The following ARMH3 variants were observed in gnomAD, a reference collection of about 807,000 sequenced individuals.
ARMH3 encodes armadillo like helical domain containing 3, also known as armadillo-like helical domain-containing protein 3.
A neutral mutation model predicts 99.1 loss-of-function variants in ARMH3; 60 were observed. The observed-to-expected ratio is 0.61, with a 90% confidence interval of 0.49 to 0.75. ARMH3 has a LOEUF of 0.75. Ranked by LOEUF, ARMH3 falls within the 30% of genes least tolerant of loss-of-function variation. ARMH3 has a pLI of 0.00. For synonymous variants in ARMH3, 285 were observed against 292.8 expected (o/e 0.97, Z 0.27); for missense variants, 679 against 843.1 (o/e 0.81, Z 2.41).
intron 14 of ARMH3, among the ~76,000 whole-genome samples, chr10:102,005,957 T>G (rs181047221): frequency 6.6e-6 from 1 of 152,260 alleles, no homozygotes; most frequent in Non-Finnish European, 1.5e-5. Context: ...AGGTTCACAT[T>G]CTCATTCATT....
At chr10:101,934,240 G>A (rs892776528) in intron 23 of ARMH3, among the ~76,000 whole-genome samples, 13 of 152,166 alleles carry the variant, frequency 8.5e-5, no homozygotes, top group African/African-American at 1.9e-4. Flanking sequence ...GTCTATGCGC[G>A]TGCACATGTG....
At chr10:102,000,964 A>G (rs574763392) in intron 15 of ARMH3, among the ~76,000 whole-genome samples, 1 of 151,936 alleles carries the variant, frequency 6.6e-6, no homozygotes, top group Non-Finnish European at 1.5e-5. Flanking sequence ...TTACAGGCAC[A>G]TGCCACCACG....
Position 101,957,671 on chromosome 10 carries a change from G to A in ARMH3, c.1557C>T (p.Asn519=), listed in dbSNP as rs761890481. 1 of 1,607,580 alleles carries A rather than the reference G, an allele frequency of 6.2e-7. No homozygotes were observed. Among genetic ancestry groups the A allele is most frequent in the Admixed American group, 1.7e-5 (1 of 59,468 alleles). ...SNETVLLAKH[N]IFTLALMIVN... ...TCACCATAAGGGCTAATGTAAAAAT[G>A]TTGTGTTTGGCCAAAAGTACAGTCT... Residue 519 remains asparagine, a synonymous_variant, in exon 21 of 26, where the codon AAC becomes AAT. Transcript: ENST00000370033.
intron 24 of ARMH3, among the ~76,000 whole-genome samples, chr10:101,863,348 CG>C (rs1490738796): frequency 3.3e-5 from 5 of 152,074 alleles, no homozygotes; most frequent in Non-Finnish European, 5.9e-5. Flanking sequence ...ATTATGAAGA[CG>C]TAACAAACCC....
chr10:101,910,422 A>T (rs1485391500), intron 23 of ARMH3, among the ~76,000 whole-genome samples: 1 of 152,166 alleles, frequency 6.6e-6, no homozygotes, highest in Non-Finnish European at 1.5e-5. Flanking sequence ...TGAATTCTTG[A>T]AAAAAGAACC....
chr10:101,971,090 G>A (rs1489233449), intron 20 of ARMH3, among the ~76,000 whole-genome samples: 4 of 97,020 alleles, frequency 4.1e-5, no homozygotes, highest in Admixed American at 1.4e-4. Flanking sequence ...GAGTGAGACC[G>A]TCTCCAAAAA....
intron 20 of ARMH3, among the ~76,000 whole-genome samples, chr10:101,964,030 C>A (rs891097572): frequency 5.3e-5 from 8 of 152,052 alleles, no homozygotes; most frequent in Non-Finnish European, 8.8e-5. Flanking sequence ...GCGCCCGCCA[C>A]CACGCCTGGC....
intron 22 of ARMH3, among the ~76,000 whole-genome samples, chr10:101,945,392 G>C (rs1844468607): frequency 6.6e-6 from 1 of 152,080 alleles, no homozygotes; most frequent in African/African-American, 2.4e-5. Flanking sequence ...GACCAGCCTG[G>C]GCAACATGCC....
chr10:101,872,222 AGT>A lies in ARMH3; in HGVS notation c.1860+17188_1860+17189del, dbSNP rs139187179. Among the ~76,000 whole-genome samples the A allele has an allele frequency of 6.0e-5, 9 of 150,044 alleles. No homozygotes were observed. In the South Asian group the frequency reaches 6.3e-4, roughly 11 times the overall value. On this transcript the variant is annotated intron_variant, in intron 24 of 25. Transcript: ENST00000370033. ...ACTGACTTGGAGAAAATATTTAGAG[AGT>A]GTGTGTGTGTGTGTCTGTGTAACAA...
chr10:101,882,341 C>A (rs2067439745), intron 24 of ARMH3, among the ~76,000 whole-genome samples: 1 of 152,198 alleles, frequency 6.6e-6, no homozygotes, highest in African/African-American at 2.4e-5. Context: ...TGCTATGAAG[C>A]CCTCTCTTGC....
At chr10:102,040,714 G>A (rs1381337493) in intron 1 of ARMH3, among the ~76,000 whole-genome samples, 1 of 152,038 alleles carries the variant, frequency 6.6e-6, no homozygotes, top group African/African-American at 2.4e-5. Context: ...AGTGTAACTC[G>A]CTCCATCTGT....
chr10:101,931,075 A>C (rs1301102835), intron 23 of ARMH3, among the ~76,000 whole-genome samples: 1 of 152,194 alleles, frequency 6.6e-6, no homozygotes, highest in African/African-American at 2.4e-5. Context: ...ACATTATGCT[A>C]TCTCTTAAAC....
At chr10:101,948,393 T>G (rs991449155) in intron 22 of ARMH3, among the ~76,000 whole-genome samples, 7 of 152,132 alleles carry the variant, frequency 4.6e-5, no homozygotes, top group African/African-American at 1.7e-4. Flanking sequence ...AAGAACTCAC[T>G]TCTAAAAAGA....
intron 24 of ARMH3, among the ~76,000 whole-genome samples, chr10:101,878,407 G>A (rs2067321762): frequency 6.6e-6 from 1 of 151,980 alleles, no homozygotes; most frequent in African/African-American, 2.4e-5. Context: ...GGCCAAAGCA[G>A]AAGAACTGCT....
chr10:101,943,600 C>T (rs1292860208), intron 22 of ARMH3, among the ~76,000 whole-genome samples: 1 of 152,084 alleles, frequency 6.6e-6, no homozygotes, highest in Non-Finnish European at 1.5e-5. Context: ...TCATAAAAAT[C>T]ACAATTTCTA....
Position 101,890,244 on chromosome 10 carries a change from T to A in ARMH3, c.1782-754A>T, listed in dbSNP as rs925974297. On this transcript the variant is annotated intron_variant, in intron 23 of 25. Coordinates refer to ENST00000370033, the MANE Select transcript of ARMH3 (RefSeq NM_024541.3). ...CTTTTTTTCATATATATATATATAT[T>A]TATTTATATTTATATTTTAGACAGG... 9.4e-5 allele frequency among the ~76,000 whole-genome samples: 14 copies of A among 149,654 alleles called. No individual in the cohort carries two copies. In the South Asian group the frequency reaches 2.3e-3, roughly 25 times the overall value.
chr10:102,001,554 A>C (rs1031122201), intron 15 of ARMH3, among the ~76,000 whole-genome samples: 1 of 152,082 alleles, frequency 6.6e-6, no homozygotes, highest in African/African-American at 2.4e-5. Flanking sequence ...TCTGAATCTC[A>C]CCTCTTCCTA....
At chr10:101,922,763 T>C (rs1843353809) in intron 23 of ARMH3, among the ~76,000 whole-genome samples, 1 of 152,200 alleles carries the variant, frequency 6.6e-6, no homozygotes, top group South Asian at 2.1e-4. Flanking sequence ...ATGAAGTACA[T>C]TCAAAACTGG....
rs1396528371 is a variant in ARMH3, at chr10:102,023,727, T to C, written c.530A>G (p.Asn177Ser). The change falls in exon 7 of 26, where the codon AAC (asparagine) becomes AGC (serine). Residue 177 changes from asparagine (N) to serine (S), a missense_variant. Asn to Ser is a conservative substitution (Grantham distance 46). This residue lies in a region of ARMH3 where 280 missense variants were observed against 354.6 expected (regional missense o/e 0.79). Coordinates refer to ENST00000370033, the MANE Select transcript of ARMH3 (RefSeq NM_024541.3). ...LVTVTDNISQNTILEYVMINS... is the reference protein window; with the variant it reads ...LVTVTDNISQSTILEYVMINS... Reference sequence around the variant, plus strand: ...GATCATTACATACTCGAGAATAGTGTTCTGGCTGATGTTATCTGTCACCTG... The same window carrying C: ...GATCATTACATACTCGAGAATAGTGCTCTGGCTGATGTTATCTGTCACCTG... 6.2e-7 allele frequency: 1 copy of C among 1,614,080 alleles called. No homozygotes were observed. The highest frequency in any genetic ancestry group is 8.5e-7 in the Non-Finnish European group (1 of 1,180,014).
Sources: allele counts gnomAD v4.1 joint callset (sites outside exome capture counted in the v4.1 genomes callset), GRCh38; gene constraint gnomAD v4.1.1; regional missense constraint gnomAD v4.1.1; transcripts MANE v1.5; gene names NCBI Gene and HGNC (gene_info 2026-07-23, HGNC 2026-07-21).